Variants in PLBD1 observed in about 807,000 individuals in gnomAD.
PLBD1 encodes lysosomal leucine aminopeptidase.
A neutral mutation model predicts 63.0 loss-of-function variants in PLBD1; 60 were observed. That is an observed-to-expected ratio of 0.95 (90% CI 0.77 to 1.18). PLBD1 has a LOEUF of 1.18. PLBD1 is among the 50% of genes most tolerant of loss of function. The pLI, the probability that PLBD1 is intolerant of heterozygous loss-of-function variation, is 0.00. For missense variants in PLBD1, 598 were observed against 677.9 expected, an observed-to-expected ratio of 0.88 and a Z score of 1.31; for synonymous variants, 262 against 248.0, an observed-to-expected ratio of 1.06 and a Z score of -0.53.
chr12:14,544,213 A>G (rs1162485254), intron 2 of PLBD1, among the ~76,000 whole-genome samples: 4 of 152,136 alleles, frequency 2.6e-5, no homozygotes, highest in Non-Finnish European at 4.4e-5. Context: ...TTGCTCTGTC[A>G]CCCAGGCTGG....
At chr12:14,521,442 C>T (rs1334578382) in intron 6 of PLBD1, among the ~76,000 whole-genome samples, 1 of 152,002 alleles carries the variant, frequency 6.6e-6, no homozygotes, top group Non-Finnish European at 1.5e-5. Context: ...AACTGGCACC[C>T]TTGCCACAAG....
At chr12:14,538,895 G>T (rs752809948) in intron 4 of PLBD1, among the ~76,000 whole-genome samples, 5 of 152,008 alleles carry the variant, frequency 3.3e-5, no homozygotes, top group Non-Finnish European at 7.4e-5. Context: ...GCATGGTGGC[G>T]CATGCTTGTA....
At chr12:14,540,664 C>G in intron 4 of PLBD1, 100 bp downstream of exon 4, 16 of 1,246,426 alleles carry the variant, frequency 1.3e-5, no homozygotes, top group Non-Finnish European at 1.7e-5. Context: ...TACTGTAGTT[C>G]TACTTTGACC....
intron 1 of PLBD1, among the ~76,000 whole-genome samples, chr12:14,555,547 A>AAAAAC (rs1204505672): frequency 3.3e-5 from 5 of 152,144 alleles, no homozygotes; most frequent in Admixed American, 6.6e-5. Context: ...TCAAAAACAA[A>AAAAAC]AAAACAAAAC....
intron 4 of PLBD1, among the ~76,000 whole-genome samples, chr12:14,540,309 T>C (rs1388104760): frequency 2.0e-5 from 3 of 151,662 alleles, no homozygotes; most frequent in African/African-American, 2.4e-5. Context: ...AAATGGTACA[T>C]TGGAAGCCTT....
chr12:14,532,636 TA>T (rs1945475250), intron 6 of PLBD1, among the ~76,000 whole-genome samples: 1 of 152,148 alleles, frequency 6.6e-6, no homozygotes, highest in African/African-American at 2.4e-5. Context: ...CAGAGCTCCT[TA>T]GGGCATCTTG....
At position 14,548,890 on chromosome 12, in the gene PLBD1, G is replaced by A. The variant is rs147368514; in HGVS notation, c.335+4303C>T. The stretch of plus-strand genomic sequence containing the variant: ...GCGTGAACAACATAAGAGATCAGCT[G>A]CTTTATTAAAAACTAGAGCAGACCA... On this transcript the variant is annotated intron_variant, in intron 2 of 10. Transcript: ENST00000240617. Among the ~76,000 whole-genome samples, 420 of 152,310 alleles carry A rather than the reference G, an allele frequency of 2.8e-3. 4 individuals are homozygous for A. The highest frequency in any genetic ancestry group is 0.01 in the Middle Eastern group (3 of 294).
chr12:14,564,592 C>A (rs1255636994), intron 1 of PLBD1, among the ~76,000 whole-genome samples: 4 of 152,218 alleles, frequency 2.6e-5, no homozygotes, highest in African/African-American at 4.8e-5. Flanking sequence ...TCACAAATAT[C>A]CAGTCTGCCT....
chr12:14,567,880 T>A lies in PLBD1; in HGVS notation c.-184A>T. The A allele has an allele frequency of 1.2e-6, 1 of 801,618 alleles. No individual in the cohort carries two copies. The highest frequency in any genetic ancestry group is 1.7e-6 in the Non-Finnish European group (1 of 572,204). 49.7% of individuals were successfully genotyped at this position (801,618 alleles called of 1,614,324 possible). ...CTCTGAGGGGCGAGGACGCTTCACG[T>A]GGTGGCCTGGGGCCCACCCCGCCTA... On this transcript the variant is annotated 5_prime_UTR_variant, in exon 1 of 11. Coordinates refer to ENST00000240617, the MANE Select transcript of PLBD1 (RefSeq NM_024829.6).
chr12:14,541,719 A>G (rs1945573042), intron 3 of PLBD1, among the ~76,000 whole-genome samples: 1 of 152,242 alleles, frequency 6.6e-6, no homozygotes, highest in Non-Finnish European at 1.5e-5. Flanking sequence ...CATCCCACAA[A>G]TGTAAACACA....
intron 6 of PLBD1, among the ~76,000 whole-genome samples, chr12:14,526,450 G>C (rs1945416157): frequency 6.6e-6 from 1 of 152,088 alleles, no homozygotes; most frequent in African/African-American, 2.4e-5. Flanking sequence ...TTCCTTTTAG[G>C]TTTTAGAAAA....
intron 4 of PLBD1, 114 bp from the exon 5 acceptor site, chr12:14,536,824 C>A: frequency 7.3e-7 from 1 of 1,372,048 alleles, no homozygotes; most frequent in Non-Finnish European, 1.0e-6. Flanking sequence ...CATGGTGGCT[C>A]ACGCCTGTAA....
Position 14,505,514 on chromosome 12 carries a change from T to C in PLBD1, c.1479+648A>G, listed in dbSNP as rs377089774. Among the ~76,000 whole-genome samples the C allele has an allele frequency of 7.9e-5, 12 of 152,320 alleles. No homozygotes were observed. In the South Asian group the frequency reaches 1.7e-3, roughly 21 times the overall value. On this transcript the variant is annotated intron_variant, in intron 10 of 10. Coordinates refer to ENST00000240617, the MANE Select transcript of PLBD1 (RefSeq NM_024829.6). Reference sequence around the variant, plus strand: ...GGAAAAAAGTTCCTGATTTCCATAATGTAAATACTTTCACTGACTGGTTTG... The same window carrying C: ...GGAAAAAAGTTCCTGATTTCCATAACGTAAATACTTTCACTGACTGGTTTG...
At chr12:14,531,508 AT>A (rs1213478827) in intron 6 of PLBD1, among the ~76,000 whole-genome samples, 6 of 152,222 alleles carry the variant, frequency 3.9e-5, no homozygotes, top group Non-Finnish European at 8.8e-5. Flanking sequence ...TGTTAAAAAA[AT>A]TGTGAATGAT....
At chr12:14,552,213 A>C (rs938420610) in intron 2 of PLBD1, among the ~76,000 whole-genome samples, 2 of 152,222 alleles carry the variant, frequency 1.3e-5, no homozygotes, top group African/African-American at 4.8e-5. Context: ...AAGCAAAGTC[A>C]TCAAGATACT....
intron 4 of PLBD1, among the ~76,000 whole-genome samples, chr12:14,540,015 TATATATATATATATA>T (rs1945554871): frequency 1.0e-3 from 11 of 10,846 alleles, no homozygotes; most frequent in Admixed American, 1.8e-3. Flanking sequence ...GCTATGCACA[TATATATATATATATA>T]TATATATATA....
intron 6 of PLBD1, among the ~76,000 whole-genome samples, chr12:14,527,736 A>C (rs563390323): frequency 6.6e-6 from 1 of 152,250 alleles, no homozygotes; most frequent in Admixed American, 6.5e-5. Context: ...CAAGATCTGA[A>C]ATGTAGAGAT....
intron 2 of PLBD1, among the ~76,000 whole-genome samples, chr12:14,545,913 T>C (rs1003016740): frequency 6.6e-6 from 1 of 152,200 alleles, no homozygotes; most frequent in African/African-American, 2.4e-5. Context: ...TCTGCTTTGA[T>C]CCATTCGGTT....
chr12:14,509,228 G>GA lies in PLBD1; in HGVS notation c.1186+2031dup, dbSNP rs943621302. ...CTCTGTTCTTCTCTCCTCTGGCAAAGAAAAAAAAATACAGACAGATCATCA... is the reference window on the plus strand; with the variant it reads ...CTCTGTTCTTCTCTCCTCTGGCAAAGAAAAAAAAAATACAGACAGATCATCA... On this transcript the variant is annotated intron_variant, in intron 8 of 10. Coordinates refer to ENST00000240617, the MANE Select transcript of PLBD1 (RefSeq NM_024829.6). Among the ~76,000 whole-genome samples, 635 of 151,056 alleles carry GA rather than the reference G, an allele frequency of 4.2e-3. 7 individuals are homozygous for GA. The highest frequency in any genetic ancestry group is 0.014 in the African/African-American group (587 of 41,140).
Sources: allele counts gnomAD v4.1 joint callset (sites outside exome capture counted in the v4.1 genomes callset), GRCh38; gene constraint gnomAD v4.1.1; transcripts MANE v1.5; gene names NCBI Gene and HGNC (gene_info 2026-07-23, HGNC 2026-07-21).